The following GLIS3 variants were observed in gnomAD, a reference collection of about 807,000 sequenced individuals.
GLIS3 encodes zinc finger protein GLIS3.
In GLIS3, 53 loss-of-function variants were observed where a neutral mutation model predicts 78.6. The ratio of observed to expected loss-of-function variants is 0.67; its 90% CI spans 0.54 to 0.85. The LOEUF (loss-of-function observed/expected upper bound fraction) is 0.85, where lower values mean the gene tolerates loss of function less well. Ranked by LOEUF, GLIS3 falls within the 40% of genes least tolerant of loss-of-function variation. The pLI, the probability that GLIS3 is intolerant of heterozygous loss-of-function variation, is 0.00. For synonymous variants in GLIS3, 684 were observed against 509.9 expected (o/e 1.34, Z -4.60); for missense variants, 1,703 against 1,231.1 (o/e 1.38, Z -5.74).
At chr9:3,836,681 C>T (rs376785914) in intron 9 of GLIS3, among the ~76,000 whole-genome samples, 1 of 152,204 alleles carries the variant, frequency 6.6e-6, no homozygotes. Context: ...CAACTCGCTC[C>T]TTGGTTTAGG....
chr9:3,886,096 C>T (rs1822054167), intron 7 of GLIS3, among the ~76,000 whole-genome samples: 1 of 152,122 alleles, frequency 6.6e-6, no homozygotes, highest in Non-Finnish European at 1.5e-5. Flanking sequence ...TAATTATTAC[C>T]ATTATTAATA....
At chr9:4,243,398 G>GCA (rs33922569) in intron 2 of GLIS3, among the ~76,000 whole-genome samples, 22,714 of 150,906 alleles carry the variant, frequency 0.15, 1,828 homozygotes, top group African/African-American at 0.18. Flanking sequence ...ACACATACAC[G>GCA]CACACACACA....
At chr9:4,313,820 G>A (rs187532557) in intron 2 of GLIS3, among the ~76,000 whole-genome samples, 1 of 152,296 alleles carries the variant, frequency 6.6e-6, no homozygotes, top group East Asian at 1.9e-4. Flanking sequence ...ATTTTCCACT[G>A]GGTGTGTGTT....
chr9:3,913,464 T>C (rs1245855203), intron 6 of GLIS3, among the ~76,000 whole-genome samples: 2 of 152,226 alleles, frequency 1.3e-5, no homozygotes, highest in East Asian at 1.9e-4. Context: ...TGTGGCTTCA[T>C]GTCCCATGAT....
chr9:4,408,365 A>G, the GLIS3 span, among the ~76,000 whole-genome samples: 1 of 151,610 alleles, frequency 6.6e-6, no homozygotes, highest in Non-Finnish European at 1.5e-5. Flanking sequence ...ACTGTTCTCT[A>G]TAGAGAATAG....
chr9:4,077,349 G>A (rs892204390), intron 4 of GLIS3, among the ~76,000 whole-genome samples: 1 of 152,174 alleles, frequency 6.6e-6, no homozygotes, highest in African/African-American at 2.4e-5. Context: ...TAAAAGAGAT[G>A]CTGAGAAACT....
intron 2 of GLIS3, among the ~76,000 whole-genome samples, chr9:4,246,412 C>T (rs1003238748): frequency 2.6e-5 from 4 of 152,206 alleles, no homozygotes; most frequent in Admixed American, 6.5e-5. Context: ...AGGAAGTAGA[C>T]TTCTCAGGAT....
At chr9:4,313,828 G>T (rs79277576) in intron 2 of GLIS3, among the ~76,000 whole-genome samples, 1 of 152,330 alleles carries the variant, frequency 6.6e-6, no homozygotes, top group African/African-American at 2.4e-5. Flanking sequence ...CTGGGTGTGT[G>T]TTGCAGGAGG....
At chr9:3,918,895 C>T (rs1399840152) in intron 6 of GLIS3, among the ~76,000 whole-genome samples, 1 of 152,192 alleles carries the variant, frequency 6.6e-6, no homozygotes, top group East Asian at 1.9e-4. Flanking sequence ...TGTTCACCAA[C>T]CAACCTTTTG....
At chr9:4,477,100 AAT>A in the GLIS3 span, among the ~76,000 whole-genome samples, 1 of 152,144 alleles carries the variant, frequency 6.6e-6, no homozygotes, top group African/African-American at 2.4e-5. Context: ...GACTCAAACA[AAT>A]ACTTGTACGT....
At chr9:4,169,257 C>A (rs1371573349) in intron 2 of GLIS3, among the ~76,000 whole-genome samples, 3 of 152,222 alleles carry the variant, frequency 2.0e-5, no homozygotes, top group African/African-American at 7.2e-5. Context: ...ACTTTGTATT[C>A]ACTGACCTTT....
chr9:4,104,385 C>G (rs879803186), intron 4 of GLIS3, among the ~76,000 whole-genome samples: 1 of 152,094 alleles, frequency 6.6e-6, no homozygotes, highest in Non-Finnish European at 1.5e-5. Flanking sequence ...GTTTAGATAG[C>G]CAGAATCCAA....
chr9:4,350,730 G>T (rs905187910), upstream of GLIS3, among the ~76,000 whole-genome samples: 3 of 152,284 alleles, frequency 2.0e-5, no homozygotes, highest in African/African-American at 7.2e-5. Context: ...TGGGATTGAT[G>T]TGTCTCTGCT....
the GLIS3 span, among the ~76,000 whole-genome samples, chr9:4,385,800 A>G: frequency 1.3e-5 from 1 of 74,884 alleles, no homozygotes; most frequent in Non-Finnish European, 2.6e-5. Context: ...AAAGAAAGAA[A>G]GAAAGAAAGA....
chr9:3,953,228 T>C (rs986091698), intron 4 of GLIS3, among the ~76,000 whole-genome samples: 1 of 152,228 alleles, frequency 6.6e-6, no homozygotes, highest in Non-Finnish European at 1.5e-5. Flanking sequence ...GGATTTTCCA[T>C]AGGGTATTCT....
chr9:4,347,685 C>T lies in GLIS3; in HGVS notation n.162-502G>A, dbSNP rs150004364. On this transcript the variant is annotated intron_variant and non_coding_transcript_variant, in intron 1 of 4. Coordinates refer to the GLIS3 transcript ENST00000471664. ...AACTAAAATCAGGGAAAGTAATAAA[C>T]CTCACATGGTAGCTTTTTGTTTGTT... Among the ~76,000 whole-genome samples the T allele has an allele frequency of 3.1e-3, 478 of 152,158 alleles. 1 individual carries two copies. The highest frequency in any genetic ancestry group is 0.011 in the African/African-American group (452 of 41,478).
chr9:3,954,097 A>G (rs962472670), intron 4 of GLIS3, among the ~76,000 whole-genome samples: 1 of 152,106 alleles, frequency 6.6e-6, no homozygotes, highest in African/African-American at 2.4e-5. Flanking sequence ...TACCTTAATT[A>G]TGCTTTGAAT....
At position 4,251,529 on chromosome 9, in the gene GLIS3, A is replaced by G. The variant is rs568832113; in HGVS notation, c.388+34509T>C. Among the ~76,000 whole-genome samples, 10 of 151,802 alleles carry G rather than the reference A, an allele frequency of 6.6e-5. No homozygotes were observed. The East Asian group carries it at 1.4e-3, about 21-fold the overall frequency. ...TTTGCATGTGAGATGAGTCTCCTGA[A>G]TACAGCACACCAATGAGTCTTGAGT... On this transcript the variant is annotated intron_variant, in intron 2 of 10. Coordinates refer to ENST00000381971, the MANE Select transcript of GLIS3 (RefSeq NM_001042413.2).
intron 2 of GLIS3, among the ~76,000 whole-genome samples, chr9:4,182,595 T>C (rs557886619): frequency 1.3e-5 from 2 of 152,306 alleles, no homozygotes; most frequent in South Asian, 2.1e-4. Context: ...TCTTGGAGAA[T>C]GTTCACAGGG....
Sources: gnomAD v4.1 joint callset for allele counts (sites outside exome capture counted in the v4.1 genomes callset) on GRCh38, gnomAD v4.1.1 for gene constraint, MANE v1.5 for transcripts, NCBI Gene and HGNC (gene_info 2026-07-23, HGNC 2026-07-21) for gene names.